NDST3: variants seen among roughly 807,000 people sequenced by gnomAD.
NDST3 encodes N-deacetylase and N-sulfotransferase 3, also known as bifunctional heparan sulfate N-deacetylase/N-sulfotransferase 3.
NDST3 carries 58 observed loss-of-function variants against 96.1 expected under a neutral mutation model. The ratio of observed to expected loss-of-function variants is 0.60; its 90% CI spans 0.49 to 0.75. The LOEUF is 0.75. Ranked by LOEUF, NDST3 falls within the 30% of genes least tolerant of loss-of-function variation. The pLI, the probability that NDST3 is intolerant of heterozygous loss-of-function variation, is 0.00. For synonymous variants in NDST3, 333 were observed against 359.7 expected (o/e 0.93, Z 0.84); for missense variants, 788 against 1,034.2 (o/e 0.76, Z 3.27).
intron 2 of NDST3, among the ~76,000 whole-genome samples, chr4:118,058,104 T>C (rs1431322505): frequency 6.6e-6 from 1 of 151,952 alleles, no homozygotes; most frequent in African/African-American, 2.4e-5. Context: ...GAGCAAATAT[T>C]ATATTTTCCC....
intron 6 of NDST3, among the ~76,000 whole-genome samples, chr4:118,221,230 T>C (rs1739521305): frequency 6.6e-6 from 1 of 152,050 alleles, no homozygotes; most frequent in South Asian, 2.1e-4. Flanking sequence ...CTGTAACCTC[T>C]CTTCTACCTT....
chr4:118,036,792 A>AG (rs2110417675), intron 1 of NDST3, among the ~76,000 whole-genome samples: 1 of 152,344 alleles, frequency 6.6e-6, no homozygotes, highest in South Asian at 2.1e-4. Context: ...AGAAAAAAAA[A>AG]GTAGTCAGGA....
At chr4:118,126,615 C>G (rs1291096905) in intron 4 of NDST3, among the ~76,000 whole-genome samples, 1 of 151,168 alleles carries the variant, frequency 6.6e-6, no homozygotes, top group Non-Finnish European at 1.5e-5. Flanking sequence ...CTGGTTGCTT[C>G]CAAATCCTGG....
intron 1 of NDST3, among the ~76,000 whole-genome samples, chr4:118,046,616 G>A (rs984818425): frequency 2.0e-5 from 3 of 152,110 alleles, no homozygotes; most frequent in Non-Finnish European, 4.4e-5. Flanking sequence ...TATGTTCCTC[G>A]TGGCTTGGGA....
intron 6 of NDST3, among the ~76,000 whole-genome samples, chr4:118,177,921 G>A (rs1229774108): frequency 6.6e-6 from 1 of 151,830 alleles, no homozygotes; most frequent in East Asian, 1.9e-4. Context: ...AAATCCAGGA[G>A]GGGCTTTACT....
chr4:118,035,442 T>G (rs75217149), intron 1 of NDST3, among the ~76,000 whole-genome samples: 4 of 149,806 alleles, frequency 2.7e-5, no homozygotes, highest in Non-Finnish European at 5.9e-5. Flanking sequence ...TTTTTTTGTT[T>G]TTTTTTTTTG....
intron 6 of NDST3, among the ~76,000 whole-genome samples, chr4:118,159,555 T>C (rs1336941371): frequency 6.6e-6 from 1 of 152,120 alleles, no homozygotes; most frequent in Non-Finnish European, 1.5e-5. Flanking sequence ...AAGGAAAATA[T>C]AGACCAATCC....
intron 1 of NDST3, among the ~76,000 whole-genome samples, chr4:118,046,530 C>T (rs1007878894): frequency 1.1e-4 from 17 of 152,196 alleles, no homozygotes; most frequent in African/African-American, 4.1e-4. Flanking sequence ...CTCAGGGCCA[C>T]ACCCTAGCAG....
At chr4:118,244,401 T>C (rs1017295821) in intron 12 of NDST3, among the ~76,000 whole-genome samples, 16 of 152,232 alleles carry the variant, frequency 1.1e-4, no homozygotes, top group Non-Finnish European at 1.0e-4. Flanking sequence ...TATACCAGTT[T>C]GTATACTTTG....
intron 12 of NDST3, among the ~76,000 whole-genome samples, chr4:118,248,444 T>C (rs1741460647): frequency 6.6e-6 from 1 of 152,228 alleles, no homozygotes; most frequent in South Asian, 2.1e-4. Context: ...TATTTCTAAA[T>C]ATCCCAGATG....
intron 3 of NDST3, among the ~76,000 whole-genome samples, chr4:118,113,528 T>G (rs1380934037): frequency 6.6e-6 from 1 of 152,150 alleles, no homozygotes; most frequent in Non-Finnish European, 1.5e-5. Flanking sequence ...TGCCTTTATC[T>G]CTAGTAAAGG....
At chr4:118,223,574 T>C (rs1271275592) in intron 6 of NDST3, among the ~76,000 whole-genome samples, 1 of 152,074 alleles carries the variant, frequency 6.6e-6, no homozygotes, top group Non-Finnish European at 1.5e-5. Context: ...TACTTCCTCT[T>C]ATTCATAGTT....
At chr4:118,187,043 C>G (rs747508292) in intron 6 of NDST3, among the ~76,000 whole-genome samples, 1 of 152,062 alleles carries the variant, frequency 6.6e-6, no homozygotes, top group Admixed American at 6.6e-5. Flanking sequence ...GCCAGAGTCC[C>G]CATGAACCAA....
At chr4:118,063,747 T>C (rs1042252488) in intron 2 of NDST3, among the ~76,000 whole-genome samples, 5 of 152,178 alleles carry the variant, frequency 3.3e-5, no homozygotes, top group East Asian at 3.9e-4. Context: ...TCATTTTACA[T>C]AAAGAAACTG....
rs1471039265 is a variant in NDST3 at position 118,255,620 on chromosome 4, C to T, written c.2530C>T (p.Arg844Ter). Residue 844 changes from arginine (R) to a stop codon, truncating the protein, a stop_gained, in exon 14 of 14, where the codon CGA becomes TGA. Transcript: ENST00000296499. LOFTEE classifies it high-confidence loss of function. The stretch of plus-strand genomic sequence containing the variant: ...CAGGACATTTCTGTCAAGCTACTAT[C>T]GAGATCACAACGTGGAACTCTCAAA... ...DSRTFLSSYY[R>*]DHNVELSKLL... 2 of 1,613,666 alleles carry T rather than the reference C, an allele frequency of 1.2e-6. No individual in the cohort carries two copies. Among genetic ancestry groups the T allele is most frequent in the Non-Finnish European group, 1.7e-6 (2 of 1,179,696 alleles).
At chr4:118,233,963 G>A (rs192040035) in intron 9 of NDST3, among the ~76,000 whole-genome samples, 13 of 152,264 alleles carry the variant, frequency 8.5e-5, no homozygotes, top group Admixed American at 1.3e-4. Flanking sequence ...TGAGAAGTCC[G>A]AATGGAAAGG....
rs1742132494 is a variant in NDST3, at chr4:118,256,524, G to C, written c.*812G>C. On this transcript the variant is annotated 3_prime_UTR_variant, in exon 14 of 14. Transcript: ENST00000296499. The stretch of plus-strand genomic sequence containing the variant: ...TCCTCTAAAAGGGAGAAATTGTAGG[G>C]GTCTAAAAACATATCATCGAGAATT... 2.0e-5 allele frequency: 3 copies of C among 152,090 alleles called. No homozygotes were observed. The highest frequency in any genetic ancestry group is 7.2e-5 in the African/African-American group (3 of 41,422). 9.4% of individuals were successfully genotyped at this position (152,090 alleles called of 1,614,324 possible). A position where few individuals can be genotyped will look rare whatever the true frequency, so the allele number is the denominator to read the frequency against.
intron 6 of NDST3, among the ~76,000 whole-genome samples, chr4:118,165,515 A>G (rs2125930768): frequency 6.6e-6 from 1 of 152,220 alleles, no homozygotes; most frequent in Middle Eastern, 3.4e-3. Flanking sequence ...TAGAACACTT[A>G]GACCAAAAAT....
intron 10 of NDST3, 107 bp from the exon 11 acceptor site, chr4:118,240,417 C>A: frequency 2.3e-6 from 2 of 868,406 alleles, no homozygotes; most frequent in Non-Finnish European, 3.3e-6. Context: ...AACTCTCCAG[C>A]AGTGAGGCAC....
Sources: allele counts gnomAD v4.1 joint callset (sites outside exome capture counted in the v4.1 genomes callset), GRCh38; gene constraint gnomAD v4.1.1; transcripts MANE v1.5; gene names NCBI Gene and HGNC (gene_info 2026-07-23, HGNC 2026-07-21).